The following RFX4 variants were observed in gnomAD, a reference collection of about 807,000 sequenced individuals.
The protein encoded by RFX4 is regulatory factor X4.
In RFX4, 10 loss-of-function variants were observed where a neutral mutation model predicts 95.0. The ratio of observed to expected loss-of-function variants is 0.11; its 90% confidence interval spans 0.06 to 0.18. The LOEUF is 0.18. Ranked by LOEUF, RFX4 falls within the 10% of genes least tolerant of loss-of-function variation. RFX4 has a pLI of 1.00. For missense variants in RFX4, 640 were observed against 922.0 expected, an observed-to-expected ratio of 0.69 and a Z score of 3.96; for synonymous variants, 321 against 340.7, an observed-to-expected ratio of 0.94 and a Z score of 0.64.
At chr12:106,744,553 G>A (rs184048734) in intron 15 of RFX4, among the ~76,000 whole-genome samples, 1 of 152,200 alleles carries the variant, frequency 6.6e-6, no homozygotes, top group Non-Finnish European at 1.5e-5. Flanking sequence ...AGCCTACCAC[G>A]TGCCAAACTC....
At chr12:106,663,647 G>A (rs2041119086) in intron 4 of RFX4, among the ~76,000 whole-genome samples, 2 of 151,764 alleles carry the variant, frequency 1.3e-5, no homozygotes. Context: ...CATCATAGTG[G>A]GAAAACTTTG....
intron 5 of RFX4, 66 bp from the exon 6 acceptor site, chr12:106,686,818 A>G: frequency 6.8e-7 from 1 of 1,468,870 alleles, no homozygotes; most frequent in Non-Finnish European, 9.4e-7. Context: ...TCACTTAATA[A>G]CAGTGCATGT....
At chr12:106,757,218 A>G (rs1280619826) in intron 17 of RFX4, among the ~76,000 whole-genome samples, 1 of 152,174 alleles carries the variant, frequency 6.6e-6, no homozygotes, top group Admixed American at 6.5e-5. Context: ...CACATGTAAT[A>G]ACTTAACTAA....
intron 2 of RFX4, among the ~76,000 whole-genome samples, chr12:106,613,037 C>T (rs564502095): frequency 1.3e-5 from 2 of 151,906 alleles, no homozygotes; most frequent in East Asian, 2.0e-4. Flanking sequence ...CTTTCACCAT[C>T]GTTAGCTGTT....
At chr12:106,609,116 A>T (rs2039902629) in intron 2 of RFX4, among the ~76,000 whole-genome samples, 1 of 152,186 alleles carries the variant, frequency 6.6e-6, no homozygotes, top group Non-Finnish European at 1.5e-5. Context: ...TTACATACTC[A>T]TCTTCTGCAG....
intron 17 of RFX4, among the ~76,000 whole-genome samples, chr12:106,753,484 C>T (rs1022635304): frequency 2.0e-5 from 3 of 152,280 alleles, no homozygotes; most frequent in Non-Finnish European, 4.4e-5. Context: ...CTGTCTGACG[C>T]GCACGGAGAC....
chr12:106,627,977 A>G (rs1160426915), intron 2 of RFX4, among the ~76,000 whole-genome samples: 1 of 152,186 alleles, frequency 6.6e-6, no homozygotes, highest in Non-Finnish European at 1.5e-5. Flanking sequence ...ACACTTGCAA[A>G]GAATTGGATT....
At chr12:106,634,565 A>G (rs1327153400) in intron 2 of RFX4, among the ~76,000 whole-genome samples, 1 of 152,164 alleles carries the variant, frequency 6.6e-6, no homozygotes, top group Non-Finnish European at 1.5e-5. Flanking sequence ...GGATAATTAG[A>G]TTGTTAAACA....
chr12:106,726,409 C>T (rs2042498537), intron 13 of RFX4, among the ~76,000 whole-genome samples: 1 of 151,972 alleles, frequency 6.6e-6, no homozygotes, highest in Admixed American at 6.6e-5. Flanking sequence ...GTTTGACCTG[C>T]CCCCGCAAAA....
In RFX4 at chr12:106,666,594, C is replaced by T. The variant is rs184491396; in HGVS notation, c.315+12243C>T. Among the ~76,000 whole-genome samples, 48 of 151,970 alleles carry T rather than the reference C, an allele frequency of 3.2e-4. 1 individual carries two copies. In the East Asian group the frequency reaches 6.2e-3, roughly 20 times the overall value. On this transcript the variant is annotated intron_variant, in intron 4 of 17. Transcript: ENST00000392842. ...CCCCCTAGTCCTTGGATGTTCTGTT[C>T]GGTTTTTCAGTCTTTGTTCTCTTCG...
intron 1 of RFX4, among the ~76,000 whole-genome samples, chr12:106,606,516 A>T (rs550345055): frequency 6.6e-6 from 1 of 152,316 alleles, no homozygotes; most frequent in South Asian, 2.1e-4. Flanking sequence ...GTGTAACCAG[A>T]TGTGCGTTTG....
chr12:106,652,620 A>G (rs777265033), intron 3 of RFX4, among the ~76,000 whole-genome samples: 10 of 152,188 alleles, frequency 6.6e-5, no homozygotes, highest in Non-Finnish European at 1.5e-4. Flanking sequence ...AAGCGCGGGA[A>G]GTAGATGAGA....
intron 13 of RFX4, among the ~76,000 whole-genome samples, chr12:106,724,094 A>G (rs1174193351): frequency 6.6e-6 from 1 of 152,254 alleles, no homozygotes; most frequent in Non-Finnish European, 1.5e-5. Flanking sequence ...GGTCTGAATT[A>G]CTGCCCTCAA....
chr12:106,696,486 A>G, intron 8 of RFX4, 40 bp downstream of exon 8: 1 of 1,610,656 alleles, frequency 6.2e-7, no homozygotes, highest in Non-Finnish European at 8.5e-7. Context: ...CGGCTGGTCC[A>G]CAGAAGGGAT....
intron 1 of RFX4, among the ~76,000 whole-genome samples, chr12:106,602,078 G>A (rs889303062): frequency 6.6e-6 from 1 of 152,176 alleles, no homozygotes; most frequent in Non-Finnish European, 1.5e-5. Context: ...GGGCATGAGG[G>A]CAGTGAGTGC....
At chr12:106,630,467 A>G (rs2040396760) in intron 2 of RFX4, among the ~76,000 whole-genome samples, 2 of 152,144 alleles carry the variant, frequency 1.3e-5, no homozygotes, top group African/African-American at 4.8e-5. Context: ...CCACGGGGAG[A>G]AGGGTTTGCT....
chr12:106,757,816 G>C (rs2043137226), intron 17 of RFX4, among the ~76,000 whole-genome samples: 2 of 152,204 alleles, frequency 1.3e-5, no homozygotes, highest in South Asian at 4.1e-4. Context: ...GTCAGCCCTT[G>C]GTGTGGAGAG....
chr12:106,637,792 A>C (rs770656711), intron 2 of RFX4, among the ~76,000 whole-genome samples: 15 of 152,112 alleles, frequency 9.9e-5, no homozygotes, highest in Non-Finnish European at 1.8e-4. Flanking sequence ...TATTGCAGGG[A>C]TCAGCAAATC....
intron 8 of RFX4, among the ~76,000 whole-genome samples, chr12:106,704,584 C>T (rs1462359020): frequency 6.6e-6 from 1 of 152,186 alleles, no homozygotes; most frequent in African/African-American, 2.4e-5. Flanking sequence ...AGGCACATCT[C>T]CCCACCCCCT....
Sources: allele counts gnomAD v4.1 joint callset (sites outside exome capture counted in the v4.1 genomes callset), GRCh38; gene constraint gnomAD v4.1.1; transcripts MANE v1.5; gene names NCBI Gene and HGNC (gene_info 2026-07-23, HGNC 2026-07-21).